Variants in PPEF1 observed in about 807,000 individuals in gnomAD.
PPEF1 encodes the protein serine/threonine-protein phosphatase with EF-hands 1.
Under a neutral mutation model 53.3 loss-of-function variants are expected in PPEF1, and 12 were observed. That is an observed-to-expected ratio of 0.23 (90% CI 0.14 to 0.36). The LOEUF is 0.36. PPEF1 is among the 10% of genes least tolerant of loss of function. The pLI, the probability that PPEF1 is intolerant of heterozygous loss-of-function variation, is 1.00. For synonymous variants in PPEF1, 165 were observed against 176.7 expected (o/e 0.93, Z 0.52); for missense variants, 334 against 490.4 (o/e 0.68, Z 3.01).
intron 6 of PPEF1, among the ~76,000 whole-genome samples, chrX:18,778,771 C>T (rs1386295220): frequency 2.7e-5 from 3 of 110,669 alleles, no homozygotes; most frequent in Non-Finnish European, 5.7e-5. Flanking sequence ...AGAATTAGCA[C>T]CGTCCCATCC....
chrX:18,810,348 CA>C (rs199980649), intron 12 of PPEF1, among the ~76,000 whole-genome samples: 6,015 of 110,349 alleles, frequency 0.055, 390 homozygotes, highest in African/African-American at 0.19. Context: ...CACACACACA[CA>C]CACACAAATT....
At chrX:18,714,010 T>G (rs2044385818) in intron 1 of PPEF1, among the ~76,000 whole-genome samples, 1 of 111,600 alleles carries the variant, frequency 9.0e-6, no homozygotes, top group African/African-American at 3.3e-5. Context: ...CAAAGCCTTT[T>G]CCTTATTTTG....
chrX:18,681,095 A>T (rs977855919), upstream of PPEF1, among the ~76,000 whole-genome samples: 1 of 111,335 alleles, frequency 9.0e-6, no homozygotes, highest in African/African-American at 3.3e-5. Flanking sequence ...ATGTGTCTTT[A>T]TAGCAGCATG....
In PPEF1 at chrX:18,827,549, C is replaced by G. The variant is rs2047191380; in HGVS notation, c.*62C>G. ...GCTAGGCCCAAATCACAAGTACAGT[C>G]CTTTCCAACACCCCTGAAATTCATA... On this transcript the variant is annotated 3_prime_UTR_variant, in exon 16 of 16. Coordinates refer to ENST00000470157, the MANE Select transcript of PPEF1 (RefSeq NM_001377996.1). 3.3e-6 allele frequency: 3 copies of G among 901,955 alleles called. No individual in the cohort carries two copies. 74.3% of individuals were successfully genotyped at this position (901,955 alleles called of 1,213,427 possible). A position where few individuals can be genotyped will look rare whatever the true frequency, so the allele number is the denominator to read the frequency against.
intron 1 of PPEF1, among the ~76,000 whole-genome samples, chrX:18,714,359 C>G (rs369821097): frequency 9.6e-6 from 1 of 104,607 alleles, no homozygotes; most frequent in East Asian, 3.3e-4. Context: ...GCACCCTTCA[C>G]CTCCCGGGTT....
At chrX:18,745,665 G>C (rs1188010997) in intron 3 of PPEF1, among the ~76,000 whole-genome samples, 1 of 111,582 alleles carries the variant, frequency 9.0e-6, no homozygotes, top group African/African-American at 3.3e-5. Context: ...AACAGTGAAA[G>C]TGGGCATCCT....
chrX:18,775,968 T>C (rs1288492007), intron 6 of PPEF1, among the ~76,000 whole-genome samples: 1 of 74,917 alleles, frequency 1.3e-5, no homozygotes, highest in Non-Finnish European at 3.0e-5. Context: ...ATCACACACA[T>C]GCTGAGGCAG....
At chrX:18,683,124 C>T (rs1444464574) in intron 1 of PPEF1, among the ~76,000 whole-genome samples, 2 of 111,607 alleles carry the variant, frequency 1.8e-5, no homozygotes, top group South Asian at 3.8e-4. Flanking sequence ...GCCTCCCCTC[C>T]GGGTCCCTCC....
chrX:18,755,827 T>C (rs2045538374), intron 4 of PPEF1, among the ~76,000 whole-genome samples: 1 of 111,337 alleles, frequency 9.0e-6, no homozygotes, highest in African/African-American at 3.3e-5. Context: ...GTGCCTGGCG[T>C]CTGTTGCTTG....
Position 18,696,852 on chromosome X carries a change from G to A in PPEF1, c.-312-993G>A, listed in dbSNP as rs1929755922. 1.8e-5 allele frequency among the ~76,000 whole-genome samples: 2 copies of A among 111,736 alleles called. 1 individual carries two copies. The highest frequency in any genetic ancestry group is 7.6e-4 in the South Asian group (2 of 2,633). On this transcript the variant is annotated intron_variant, in intron 4 of 21. Coordinates refer to the PPEF1 transcript ENST00000361511. ...GGCTTCGAGGTATCAGGAGCCACAAGCAGACACCTTAAGTACCCACCATCA... is the reference window on the plus strand; with the variant it reads ...GGCTTCGAGGTATCAGGAGCCACAAACAGACACCTTAAGTACCCACCATCA...
intron 1 of PPEF1, among the ~76,000 whole-genome samples, chrX:18,714,266 T>A (rs754965674): frequency 1.4e-5 from 1 of 73,031 alleles, no homozygotes; most frequent in South Asian, 9.7e-4. Context: ...AAGTTTGTTT[T>A]TCGTTTTTTT....
At chrX:18,707,548 G>A (rs1012314122), upstream of PPEF1, 10 of 381,395 alleles carry the variant, frequency 2.6e-5, no homozygotes, top group Admixed American at 1.4e-4. Flanking sequence ...CACATCACAT[G>A]ATGAACAGCG....
At chrX:18,767,880 G>A (rs949307649) in intron 6 of PPEF1, among the ~76,000 whole-genome samples, 2 of 111,369 alleles carry the variant, frequency 1.8e-5, no homozygotes, top group Non-Finnish European at 3.8e-5. Context: ...ACACACGAAG[G>A]TTGCCTGCTC....
intron 3 of PPEF1, among the ~76,000 whole-genome samples, chrX:18,742,239 T>C (rs1250657193): frequency 2.7e-5 from 3 of 112,233 alleles, no homozygotes; most frequent in Non-Finnish European, 5.6e-5. Context: ...TTGAGTTGTT[T>C]TCAGATTGGT....
chrX:18,733,557 G>A (rs2044888631), intron 2 of PPEF1, among the ~76,000 whole-genome samples, 191 bp from the exon 3 acceptor site: 2 of 111,630 alleles, frequency 1.8e-5, no homozygotes, highest in South Asian at 3.8e-4. Context: ...GGGCGTTCAT[G>A]TGTTACCCTG....
rs745564885 is a variant in PPEF1, at chrX:18,783,795, CCTTT to C, written c.763-103_763-100del. ...TTGGTTAGTGACTCCTTGCTGACTT[CCTTT>C]GAGTGGCCTGAAAATCATTACTTTT... On this transcript the variant is annotated intron_variant, in intron 8 of 15. Transcript: ENST00000470157. 7.5e-5 allele frequency: 59 copies of C among 783,383 alleles called. No homozygotes were observed. In the African/African-American group the frequency reaches 9.5e-4, roughly 13 times the overall value. The allele number at this position is 783,383 out of a possible 1,213,427, so 64.6% of individuals were successfully genotyped here.
chrX:18,788,051 T>C (rs758309497), intron 9 of PPEF1, among the ~76,000 whole-genome samples: 2 of 112,030 alleles, frequency 1.8e-5, no homozygotes, highest in African/African-American at 3.2e-5. Context: ...GTGCAGTGGC[T>C]CACGCCTGTA....
chrX:18,816,167 ACTT>A (rs1283094833), intron 12 of PPEF1, among the ~76,000 whole-genome samples: 3 of 110,037 alleles, frequency 2.7e-5, no homozygotes, highest in African/African-American at 6.6e-5. Context: ...TCTAAGCACT[ACTT>A]CATATGTTTT....
intron 9 of PPEF1, among the ~76,000 whole-genome samples, chrX:18,788,632 G>A (rs2046267173): frequency 1.8e-5 from 2 of 111,627 alleles, no homozygotes. Flanking sequence ...GGCTTCTGAA[G>A]TTTTCAACCT....
Sources: allele counts gnomAD v4.1 joint callset (sites outside exome capture counted in the v4.1 genomes callset), GRCh38; gene constraint gnomAD v4.1.1; transcripts MANE v1.5; gene names NCBI Gene and HGNC (gene_info 2026-07-23, HGNC 2026-07-21).